The following GMPR variants were observed in gnomAD, a reference collection of about 807,000 sequenced individuals.
GMPR encodes guanosine monophosphate reductase, also known as GMP reductase 1.
GMPR carries 31 observed loss-of-function variants against 38.4 expected under a neutral mutation model. The ratio of observed to expected loss-of-function variants is 0.81; its 90% CI spans 0.61 to 1.09. The LOEUF (loss-of-function observed/expected upper bound fraction) is 1.09. GMPR is among the 50% of genes least tolerant of loss of function. GMPR has a pLI of 0.00. For missense variants in GMPR, 468 were observed against 453.7 expected (o/e 1.03, Z -0.29); for synonymous variants, 162 against 173.3 (o/e 0.93, Z 0.51).
At chr6:16,291,252 C>T (rs895135389) in intron 8 of GMPR, among the ~76,000 whole-genome samples, 4 of 151,904 alleles carry the variant, frequency 2.6e-5, no homozygotes, top group Non-Finnish European at 4.4e-5. Context: ...GTGGTGGAGT[C>T]GTGCTCTGTC....
At chr6:16,276,679 CT>C (rs1239671335) in intron 5 of GMPR, among the ~76,000 whole-genome samples, 1 of 152,164 alleles carries the variant, frequency 6.6e-6, no homozygotes, top group Non-Finnish European at 1.5e-5. Flanking sequence ...GGAGCTACTT[CT>C]TTAAATTGTT....
intron 4 of GMPR, among the ~76,000 whole-genome samples, chr6:16,265,834 T>A (rs1670770470): frequency 1.3e-5 from 2 of 151,624 alleles, no homozygotes; most frequent in Admixed American, 1.4e-4. Flanking sequence ...ATGGAGGTTT[T>A]CTTCGTTCGC....
At chr6:16,262,414 C>T (rs1323611187) in intron 4 of GMPR, 1 of 152,026 alleles carries the variant, frequency 6.6e-6, no homozygotes, top group Non-Finnish European at 1.5e-5. Context: ...TCCTGGGCTG[C>T]AGGCATTCCT....
chr6:16,260,008 G>A (rs1241023632), intron 4 of GMPR, among the ~76,000 whole-genome samples: 1 of 152,090 alleles, frequency 6.6e-6, no homozygotes, highest in Non-Finnish European at 1.5e-5. Context: ...TTTTTTTGGG[G>A]CACAGTCTAA....
At chr6:16,278,700 T>C (rs1180522009) in intron 5 of GMPR, 84 bp from the exon 6 acceptor site, 1 of 944,886 alleles carries the variant, frequency 1.1e-6, no homozygotes, top group East Asian at 2.4e-5. Flanking sequence ...AAAGCAGGGC[T>C]GCAAAGGTAA....
In GMPR at chr6:16,288,758, C is replaced by T. The variant is rs553599773; in HGVS notation, c.698-1704C>T. Among the ~76,000 whole-genome samples the T allele has an allele frequency of 2.6e-5, 4 of 152,362 alleles. No individual in the cohort carries two copies. The East Asian group carries it at 7.7e-4, about 29-fold the overall frequency. On this transcript the variant is annotated intron_variant, in intron 7 of 8. Transcript: ENST00000259727. Reference sequence around the variant, plus strand: ...ACGTGGAGAACCTTTATGTCTAACTCAGGGATTGTAAATACACCAATGGGC... The same window carrying T: ...ACGTGGAGAACCTTTATGTCTAACTTAGGGATTGTAAATACACCAATGGGC...
At chr6:16,281,114 C>T (rs946842298) in intron 6 of GMPR, among the ~76,000 whole-genome samples, 2 of 152,144 alleles carry the variant, frequency 1.3e-5, no homozygotes, top group East Asian at 1.9e-4. Flanking sequence ...TTCTCTTAAG[C>T]GTGGTGCCCA....
intron 7 of GMPR, 28 bp from the exon 8 acceptor site, chr6:16,290,434 C>T (rs778199813): frequency 1.4e-4 from 229 of 1,608,062 alleles, no homozygotes; most frequent in Non-Finnish European, 1.8e-4. Flanking sequence ...CTCTGCTACT[C>T]GCTTTCATCC....
intron 1 of GMPR, among the ~76,000 whole-genome samples, chr6:16,240,814 G>T (rs1298276275): frequency 1.3e-5 from 2 of 152,156 alleles, no homozygotes; most frequent in Non-Finnish European, 2.9e-5. Context: ...TGCCCTTGAG[G>T]AGTCTCTTTT....
Position 16,250,220 on chromosome 6 carries a change from G to C in GMPR, c.208-64G>C. ...TTGTCTTGTTGGATCACCACCTCCA[G>C]ATGGAGGAGGGAGGGGGGCTCTCAC... On this transcript the variant is annotated intron_variant, in intron 2 of 8. Coordinates refer to ENST00000259727, the MANE Select transcript of GMPR (RefSeq NM_006877.4). The C allele has an allele frequency of 3.5e-6, 3 of 863,880 alleles. No individual in the cohort carries two copies. In the Admixed American group the frequency reaches 5.1e-5, roughly 15 times the overall value. The allele number at this position is 863,880 out of a possible 1,614,324, so 53.5% of individuals were successfully genotyped here. A position where few individuals can be genotyped will look rare whatever the true frequency, so the allele number is the denominator to read the frequency against.
At position 16,290,604 on chromosome 6, in the gene GMPR, A is replaced by T. The variant is rs763037578; in HGVS notation, c.840A>T (p.Gly280=). Residue 280 remains glycine, a synonymous_variant, in exon 8 of 9, where the codon GGA becomes GGT. Coordinates refer to ENST00000259727, the MANE Select transcript of GMPR (RefSeq NM_006877.4). ...ACACCGCCATGAACAAGCACGCAGGAGGAGTTGCTGAGTACAGGTGAGGAG... is the reference window on the plus strand; with the variant it reads ...ACACCGCCATGAACAAGCACGCAGGTGGAGTTGCTGAGTACAGGTGAGGAG... ...SSDTAMNKHA[G]GVAEYRASEG... The T allele has an allele frequency of 3.7e-6, 6 of 1,614,132 alleles. No homozygotes were observed. Among genetic ancestry groups the T allele is most frequent in the Non-Finnish European group, 5.1e-6 (6 of 1,180,008 alleles).
chr6:16,265,783 G>A (rs1441927233), intron 4 of GMPR, among the ~76,000 whole-genome samples: 2 of 151,992 alleles, frequency 1.3e-5, no homozygotes, highest in African/African-American at 2.4e-5. Context: ...GCTGGCTGCT[G>A]GAGCCAGCCC....
intron 4 of GMPR, among the ~76,000 whole-genome samples, chr6:16,266,307 A>G (rs988751743): frequency 6.6e-6 from 1 of 151,756 alleles, no homozygotes; most frequent in Admixed American, 6.6e-5. Flanking sequence ...TAGACCATGA[A>G]CCCACGAGGA....
intron 4 of GMPR, among the ~76,000 whole-genome samples, chr6:16,261,454 GA>G (rs773319333): frequency 3.3e-5 from 5 of 152,082 alleles, no homozygotes; most frequent in Non-Finnish European, 7.3e-5. Flanking sequence ...AGGTGCAAAG[GA>G]ATAGTAAAGA....
chr6:16,276,187 T>C (rs1049757073), intron 5 of GMPR, among the ~76,000 whole-genome samples: 3 of 152,162 alleles, frequency 2.0e-5, no homozygotes, highest in Admixed American at 6.5e-5. Context: ...CTTTATTTTT[T>C]TTGAGACAGT....
intron 1 of GMPR, 105 bp from the exon 2 acceptor site, chr6:16,246,737 T>C: frequency 9.1e-7 from 1 of 1,098,904 alleles, no homozygotes; most frequent in South Asian, 1.5e-5. Flanking sequence ...CCAGGGACCT[T>C]TGTCTTGTTC....
At chr6:16,272,739 A>G (rs1403123206) in intron 4 of GMPR, among the ~76,000 whole-genome samples, 2 of 152,198 alleles carry the variant, frequency 1.3e-5, no homozygotes, top group African/African-American at 2.4e-5. Context: ...GGATAATAAC[A>G]CTTTGTCAAA....
chr6:16,245,308 C>T (rs1246619959), intron 1 of GMPR, among the ~76,000 whole-genome samples: 1 of 152,128 alleles, frequency 6.6e-6, no homozygotes, highest in African/African-American at 2.4e-5. Context: ...CATCATTCAC[C>T]CAGGACGCCT....
At position 16,250,371 on chromosome 6, in the gene GMPR, C is replaced by A; in HGVS notation, c.291+4C>A. The A allele has an allele frequency of 6.5e-7, 1 of 1,545,856 alleles. No homozygotes were observed. Among genetic ancestry groups the A allele is most frequent in the Non-Finnish European group, 8.9e-7 (1 of 1,117,682 alleles). On this transcript the variant is annotated splice_donor_region_variant and intron_variant, in intron 3 of 8. Coordinates refer to ENST00000259727, the MANE Select transcript of GMPR (RefSeq NM_006877.4). ...AAATCACCCAGAATGCCTGCAGGTA[C>A]GACTACAGCCTGGTTATCAATTACC... is the stretch of plus-strand genomic sequence containing the variant.
Sources: gnomAD v4.1 joint callset for allele counts (sites outside exome capture counted in the v4.1 genomes callset) on GRCh38, gnomAD v4.1.1 for gene constraint, MANE v1.5 for transcripts, NCBI Gene and HGNC (gene_info 2026-07-23, HGNC 2026-07-21) for gene names.